The following WDR25 variants were observed in gnomAD, a reference collection of about 807,000 sequenced individuals.
WDR25 encodes the protein WD repeat-containing protein 25.
A neutral mutation model predicts 47.7 loss-of-function variants in WDR25; 35 were observed. That is an observed-to-expected ratio of 0.73 (90% confidence interval 0.56 to 0.97). The LOEUF is 0.97. WDR25 is among the 50% of genes least tolerant of loss of function. WDR25 has a pLI of 0.00. For missense variants in WDR25, 634 were observed against 704.7 expected (o/e 0.90, Z 1.14); for synonymous variants, 248 against 278.9 (o/e 0.89, Z 1.10).
At chr14:100,446,256 C>A (rs577634989) in intron 2 of WDR25, among the ~76,000 whole-genome samples, 6 of 152,242 alleles carry the variant, frequency 3.9e-5, no homozygotes, top group African/African-American at 1.2e-4. Context: ...TGTTGATGAT[C>A]AGAATTAGTA....
intron 2 of WDR25, among the ~76,000 whole-genome samples, chr14:100,458,914 A>T (rs188947121): frequency 1.3e-5 from 2 of 152,200 alleles, no homozygotes; most frequent in Non-Finnish European, 1.5e-5. Context: ...ATAGTAATTT[A>T]TAGCACTAAA....
intron 2 of WDR25, among the ~76,000 whole-genome samples, chr14:100,388,079 T>C (rs80041101): frequency 0.039 from 5,921 of 152,304 alleles, 311 homozygotes; most frequent in African/African-American, 0.12. Flanking sequence ...AGAATTATTC[T>C]TGATGGATTT....
In WDR25 at chr14:100,499,894, G is replaced by A. The variant is rs1900859656; in HGVS notation, c.1101+15770G>A. On this transcript the variant is annotated intron_variant, in intron 4 of 6. Transcript: ENST00000402312. The surrounding 1 kb of genome is among the most constrained non-coding windows in gnomAD (Gnocchi z 4.4). ...AGGATTCACTGCACACCTGGTGAATGTAGAATTCAGTGTTTGGAGTCAGGT... is the reference window on the plus strand; with the variant it reads ...AGGATTCACTGCACACCTGGTGAATATAGAATTCAGTGTTTGGAGTCAGGT... 2.0e-5 allele frequency among the ~76,000 whole-genome samples: 3 copies of A among 152,208 alleles called. No homozygotes were observed. In the South Asian group the frequency reaches 6.2e-4, roughly 31 times the overall value.
chr14:100,491,134 A>G (rs1358913574), intron 4 of WDR25, among the ~76,000 whole-genome samples: 1 of 152,126 alleles, frequency 6.6e-6, no homozygotes, highest in Non-Finnish European at 1.5e-5. Flanking sequence ...TGCAGGCATC[A>G]CGCTGTGCAC....
chr14:100,457,682 T>C (rs1159554267), intron 2 of WDR25, among the ~76,000 whole-genome samples: 2 of 152,242 alleles, frequency 1.3e-5, no homozygotes, highest in Non-Finnish European at 2.9e-5. Context: ...TTTTTTGTTC[T>C]TATTTAAAAA....
chr14:100,525,744 C>A lies in WDR25; in HGVS notation c.1102-126C>A. The stretch of plus-strand genomic sequence containing the variant: ...ATATGGCTTGTGGGTGCTGCTCAGC[C>A]TGGGTGTGTGTGGCCCAGCATAAAC... On this transcript the variant is annotated intron_variant, in intron 4 of 6. Coordinates refer to ENST00000402312, the MANE Select transcript of WDR25 (RefSeq NM_001161476.3). The surrounding 1 kb of genome is among the most constrained non-coding windows in gnomAD (Gnocchi z 4.6). 1 of 1,105,550 alleles carries A rather than the reference C, an allele frequency of 9.0e-7. No individual in the cohort carries two copies. The highest frequency in any genetic ancestry group is 1.3e-6 in the Non-Finnish European group (1 of 787,290). The allele number at this position is 1,105,550 out of a possible 1,614,324, so 68.5% of individuals were successfully genotyped here.
At chr14:100,382,340 GT>G (rs1284387466) in intron 2 of WDR25, among the ~76,000 whole-genome samples, 1 of 152,176 alleles carries the variant, frequency 6.6e-6, no homozygotes, top group Non-Finnish European at 1.5e-5. Flanking sequence ...GAAGGGGAAG[GT>G]TCGCTTGGGG....
At chr14:100,512,762 C>G (rs773882774) in intron 4 of WDR25, among the ~76,000 whole-genome samples, 1 of 152,154 alleles carries the variant, frequency 6.6e-6, no homozygotes, top group Non-Finnish European at 1.5e-5. Flanking sequence ...CTGCACTACC[C>G]AAGCTGTTGA....
chr14:100,402,199 T>C (rs182263750), intron 2 of WDR25, among the ~76,000 whole-genome samples: 2 of 152,304 alleles, frequency 1.3e-5, no homozygotes, highest in Admixed American at 1.3e-4. Flanking sequence ...TCTTCCCAAG[T>C]GTCCTCTGTC....
intron 4 of WDR25, among the ~76,000 whole-genome samples, chr14:100,494,049 A>G (rs1035155254): frequency 2.0e-5 from 3 of 152,156 alleles, no homozygotes; most frequent in African/African-American, 7.2e-5. Context: ...CATAAAAAGC[A>G]TTCTTCAATT....
At chr14:100,470,406 A>C (rs147924694) in intron 3 of WDR25, among the ~76,000 whole-genome samples, 1 of 152,334 alleles carries the variant, frequency 6.6e-6, no homozygotes, top group African/African-American at 2.4e-5. Flanking sequence ...AATCAAATTC[A>C]TTTGATGGCA....
intron 2 of WDR25, among the ~76,000 whole-genome samples, chr14:100,461,165 G>A (rs1899400492): frequency 6.6e-6 from 1 of 152,180 alleles, no homozygotes; most frequent in African/African-American, 2.4e-5. Flanking sequence ...ACAGTGAACT[G>A]TGATCGCACC....
At position 100,521,966 on chromosome 14, in the gene WDR25, G is replaced by T. The variant is rs556883757; in HGVS notation, c.1102-3904G>T. 4.6e-5 allele frequency among the ~76,000 whole-genome samples: 7 copies of T among 152,278 alleles called. No homozygotes were observed. In the South Asian group the frequency reaches 1.2e-3, roughly 27 times the overall value. ...CTTTGGGATTTTGTTAATTTGATAG[G>T]CAAGTAATGGTATCTCTGTGTGATT... is the stretch of plus-strand genomic sequence containing the variant. On this transcript the variant is annotated intron_variant, in intron 4 of 6. Transcript: ENST00000402312.
At chr14:100,380,319 A>G in intron 1 of WDR25, among the ~76,000 whole-genome samples, 1 of 152,024 alleles carries the variant, frequency 6.6e-6, no homozygotes, top group Non-Finnish European at 1.5e-5. Context: ...GAATGCTGGG[A>G]TTACAGGTGT....
chr14:100,502,961 GTGTC>G lies in WDR25; in HGVS notation c.1101+18841_1101+18844del, dbSNP rs1044321896. Among the ~76,000 whole-genome samples the G allele has an allele frequency of 3.5e-4, 54 of 152,196 alleles. No homozygotes were observed. Among genetic ancestry groups the G allele is most frequent in the African/African-American group, 1.1e-3 (45 of 41,514 alleles). On this transcript the variant is annotated intron_variant, in intron 4 of 6. Coordinates refer to ENST00000402312, the MANE Select transcript of WDR25 (RefSeq NM_001161476.3). This position sits in a 1 kb window ranked among gnomAD's most constrained non-coding sequence, Gnocchi z 4.5. The stretch of plus-strand genomic sequence containing the variant: ...ACGCAGTGTGTGTCTGTGAGTGTGT[GTGTC>G]TGTATGTGTGTCGGTGCATGTGTGT...
chr14:100,521,873 T>C (rs1595171494), intron 4 of WDR25, among the ~76,000 whole-genome samples: 3 of 152,326 alleles, frequency 2.0e-5, no homozygotes, highest in African/African-American at 2.4e-5. Context: ...CTTGTACCAT[T>C]TGCATTTCTG....
chr14:100,519,266 G>GGGGAGA (rs1555397030), intron 4 of WDR25, among the ~76,000 whole-genome samples: 2 of 147,672 alleles, frequency 1.4e-5, no homozygotes, highest in African/African-American at 5.0e-5. Flanking sequence ...TTTATAGGGG[G>GGGGAGA]GAGAGAGAGA....
rs1022887251 is a variant in WDR25, at chr14:100,502,941, G to C, written c.1101+18817G>C. Among the ~76,000 whole-genome samples, 1 of 151,492 alleles carries C rather than the reference G, an allele frequency of 6.6e-6. No homozygotes were observed. On this transcript the variant is annotated intron_variant, in intron 4 of 6. Transcript: ENST00000402312. This position sits in a 1 kb window ranked among gnomAD's most constrained non-coding sequence, Gnocchi z 4.5. ...GTTTTTTGTTGCTGGAGAACACGCA[G>C]TGTGTGTCTGTGAGTGTGTGTGTCT...
chr14:100,524,306 C>T (rs1273291639), intron 4 of WDR25, among the ~76,000 whole-genome samples: 2 of 151,952 alleles, frequency 1.3e-5, no homozygotes, highest in African/African-American at 4.8e-5. Context: ...AACCCCCCAG[C>T]CAAGGCCCAG....
Sources: allele counts gnomAD v4.1 joint callset (sites outside exome capture counted in the v4.1 genomes callset), GRCh38; gene constraint gnomAD v4.1.1; non-coding constraint Gnocchi (gnomAD v3.1); transcripts MANE v1.5; gene names NCBI Gene and HGNC (gene_info 2026-07-23, HGNC 2026-07-21).